Variants in LGALS8 observed in about 807,000 individuals in gnomAD.
LGALS8 encodes galectin 8, also known as galectin-8.
LGALS8 carries 30 observed loss-of-function variants against 35.9 expected under a neutral mutation model. The ratio of observed to expected loss-of-function variants is 0.83; its 90% CI spans 0.62 to 1.13. The LOEUF (loss-of-function observed/expected upper bound fraction) is 1.13. Among genes scored for constraint, LGALS8 ranks in the 50% most tolerant of loss-of-function variants. The probability of loss-of-function intolerance (pLI) is 0.00; values close to 1 mark genes in which losing one functional copy is unlikely to be tolerated. For synonymous variants in LGALS8, 138 were observed against 136.1 expected (o/e 1.01, Z -0.10); for missense variants, 366 against 388.7 (o/e 0.94, Z 0.49).
chr1:236,520,636 TTC>T (rs1370868294), upstream of LGALS8, among the ~76,000 whole-genome samples: 2 of 152,172 alleles, frequency 1.3e-5, no homozygotes, highest in African/African-American at 4.8e-5. Context: ...CACAGGCTGT[TTC>T]TCTTTCTTTG....
At chr1:236,543,121 T>C (rs1662121322) in intron 7 of LGALS8, 1 of 1,322,206 alleles carries the variant, frequency 7.6e-7, no homozygotes, top group African/African-American at 1.4e-5. Flanking sequence ...GTATCCACAA[T>C]AGAGGCCCAA....
Position 236,548,073 on chromosome 1 carries a change from A to C in LGALS8, c.866A>C (p.Glu289Ala), listed in dbSNP as rs1662519377. 8 of 1,613,080 alleles carry C rather than the reference A, an allele frequency of 5.0e-6. No individual in the cohort carries two copies. The highest frequency in any genetic ancestry group is 6.8e-6 in the Non-Finnish European group (8 of 1,179,006). ...GCAGTAAATGGCGTACACAGCCTGG[A>C]GTACAAACACAGATTTAAAGAGCTC... ...KVAVNGVHSL[E>A]YKHRFKELSS... Residue 289 changes from glutamate to alanine, a missense_variant, in exon 10 of 10, where the codon GAG becomes GCG. Coordinates refer to ENST00000366584, the MANE Select transcript of LGALS8 (RefSeq NM_201544.4).
Position 236,540,693 on chromosome 1 carries a change from C to G in LGALS8, c.465+10C>G. The G allele has an allele frequency of 6.3e-7, 1 of 1,596,414 alleles. No individual in the cohort carries two copies. Among genetic ancestry groups the G allele is most frequent in the Non-Finnish European group, 8.5e-7 (1 of 1,171,862 alleles). Reference sequence around the variant, plus strand: ...TTTTAGCTTCAGCTCGGTGAGTGACCTTCCACAGCTTGGGGTCTTTTATGA... The same window carrying G: ...TTTTAGCTTCAGCTCGGTGAGTGACGTTCCACAGCTTGGGGTCTTTTATGA... On this transcript the variant is annotated intron_variant, in intron 5 of 9. Transcript: ENST00000366584.
At chr1:236,538,854 G>A in intron 3 of LGALS8, 25 bp from the exon 4 acceptor site, 3 of 1,581,320 alleles carry the variant, frequency 1.9e-6, no homozygotes, top group Non-Finnish European at 2.6e-6. Flanking sequence ...GCACTCATGG[G>A]GCCCCTGTGT....
At chr1:236,544,993 C>A in intron 9 of LGALS8, 78 bp downstream of exon 9, 2 of 1,105,848 alleles carry the variant, frequency 1.8e-6, no homozygotes, top group Non-Finnish European at 2.6e-6. Context: ...CCATTTAAAT[C>A]AAGTCCTAAC....
chr1:236,534,697 C>T (rs1371425155), intron 2 of LGALS8, among the ~76,000 whole-genome samples: 1 of 151,992 alleles, frequency 6.6e-6, no homozygotes, highest in East Asian at 1.9e-4. Flanking sequence ...CAAGTGGCCA[C>T]CGTTCTTAGC....
intron 2 of LGALS8, among the ~76,000 whole-genome samples, chr1:236,527,967 C>T (rs558259725): frequency 2.0e-5 from 3 of 152,260 alleles, no homozygotes; most frequent in South Asian, 2.1e-4. Flanking sequence ...AACTCCTGAC[C>T]TCAGGTGATG....
chr1:236,535,191 G>C (rs895711535), intron 2 of LGALS8, among the ~76,000 whole-genome samples: 4 of 150,408 alleles, frequency 2.7e-5, no homozygotes, highest in Non-Finnish European at 4.4e-5. Flanking sequence ...GCTTATTATA[G>C]ACATCTGCAA....
upstream of LGALS8, chr1:236,523,718 C>T: frequency 4.0e-6 from 1 of 250,232 alleles, no homozygotes; most frequent in South Asian, 4.1e-5. Flanking sequence ...CCAGATCCAC[C>T]CAGGACACAT....
At chr1:236,523,815 T>A (rs945758335), upstream of LGALS8, 1 of 347,950 alleles carries the variant, frequency 2.9e-6, no homozygotes, top group Non-Finnish European at 5.7e-6. Context: ...CCGAGCTGGG[T>A]GGCGATCAGC....
rs1244153371 is a variant in LGALS8, at chr1:236,534,987, G to T, written c.46-2510G>T. 4.6e-5 allele frequency among the ~76,000 whole-genome samples: 7 copies of T among 150,724 alleles called. No homozygotes were observed. In the East Asian group the frequency reaches 1.2e-3, roughly 25 times the overall value. The stretch of plus-strand genomic sequence containing the variant: ...GAGGCAGGAGAATCGCTTGAACCCG[G>T]GAGGCAGAGGTTGCAGTGAGCTGAG... On this transcript the variant is annotated intron_variant, in intron 2 of 9. Coordinates refer to ENST00000366584, the MANE Select transcript of LGALS8 (RefSeq NM_201544.4).
In LGALS8 at chr1:236,538,884, A is replaced by C. The variant is rs1455870961; in HGVS notation, c.140A>C (p.Gln47Pro). The change falls in exon 4 of 10, where the codon CAG becomes CCG. Residue 47 changes from glutamine to proline, a missense_variant. Coordinates refer to ENST00000366584, the MANE Select transcript of LGALS8 (RefSeq NM_201544.4). ...GHVPSDADRF[Q>P]VDLQNGSSMK... ...CTGTGTCTTCCCTCATATAGATTCCAGGTGGATCTGCAGAATGGCAGCAGC... is the reference window on the plus strand; with the variant it reads ...CTGTGTCTTCCCTCATATAGATTCCCGGTGGATCTGCAGAATGGCAGCAGC... 6.2e-7 allele frequency: 1 copy of C among 1,611,780 alleles called. No homozygotes were observed. The highest frequency in any genetic ancestry group is 8.5e-7 in the Non-Finnish European group (1 of 1,179,374).
In LGALS8 at chr1:236,524,855, A is replaced by G. The variant is rs575773342; in HGVS notation, c.-104+794A>G. Reference sequence around the variant, plus strand: ...AATTAAGTTAATGACATGGGGCTATATTTAGGTGGTAAACCAAGAGGGATA... The same window carrying G: ...AATTAAGTTAATGACATGGGGCTATGTTTAGGTGGTAAACCAAGAGGGATA... On this transcript the variant is annotated intron_variant, in intron 1 of 9. Transcript: ENST00000366584. 40 of 175,824 alleles carry G rather than the reference A, an allele frequency of 2.3e-4. 1 individual carries two copies. In the South Asian group the frequency reaches 4.4e-3, roughly 19 times the overall value. The allele number at this position is 175,824 out of a possible 1,614,324, so 10.9% of individuals were successfully genotyped here.
In LGALS8 at chr1:236,541,695, G is replaced by T. The variant is rs767763145; in HGVS notation, c.507G>T (p.Glu169Asp). ...AAGCATCTAGTCTGGAACTGACAGA[G>T]ATAAGTAGAGAAAATGTAAATATTA... ...STQASSLELT[E>D]ISRENVPKSG... Residue 169 changes from glutamate to aspartate, a missense_variant, in exon 6 of 10, where the codon GAG (glutamate) becomes GAT (aspartate). By Grantham distance (45) the Glu-to-Asp change is conservative (BLOSUM62 2). Transcript: ENST00000366584. The T allele has an allele frequency of 3.3e-6, 5 of 1,508,948 alleles. No individual in the cohort carries two copies. The highest frequency in any genetic ancestry group is 4.5e-6 in the Non-Finnish European group (5 of 1,109,198). The allele number at this position is 1,508,948 out of a possible 1,614,324, so 93.5% of individuals were successfully genotyped here.
At chr1:236,535,838 A>T (rs1363132392) in intron 2 of LGALS8, among the ~76,000 whole-genome samples, 1 of 152,264 alleles carries the variant, frequency 6.6e-6, no homozygotes, top group East Asian at 1.9e-4. Flanking sequence ...TTGTGGGCTC[A>T]GCTTGCGGTT....
chr1:236,540,465 A>C (rs1661908795), intron 4 of LGALS8, 99 bp from the exon 5 acceptor site: 26 of 1,338,056 alleles, frequency 1.9e-5, no homozygotes, highest in Non-Finnish European at 2.6e-5. Flanking sequence ...ACAGGTATAA[A>C]ACTGGACGCA....
chr1:236,530,551 T>G lies in LGALS8; in HGVS notation c.45+4436T>G, dbSNP rs138485861. ...TCCATATGTATCCAGTTCCAACCTTTCACCTAATGTGAACCCCCAACTCTC... is the reference window on the plus strand; with the variant it reads ...TCCATATGTATCCAGTTCCAACCTTGCACCTAATGTGAACCCCCAACTCTC... On this transcript the variant is annotated intron_variant, in intron 2 of 9. Coordinates refer to ENST00000366584, the MANE Select transcript of LGALS8 (RefSeq NM_201544.4). Among the ~76,000 whole-genome samples, 429 of 152,314 alleles carry G rather than the reference T, an allele frequency of 2.8e-3. 1 individual carries two copies. Among genetic ancestry groups the G allele is most frequent in the Non-Finnish European group, 4.5e-3 (304 of 68,032 alleles).
rs192092733 is a variant in LGALS8 at position 236,552,935 on chromosome 1, A to T, written c.*4774A>T. 6.6e-6 allele frequency: 1 copy of T among 152,262 alleles called. No individual in the cohort carries two copies. The allele number at this position is 152,262 out of a possible 1,614,324, so 9.4% of individuals were successfully genotyped here. On this transcript the variant is annotated 3_prime_UTR_variant, in exon 10 of 10. Transcript: ENST00000366584. ...GGTTCATCATAATAGTCTCATTGTT[A>T]GCATATCCTAATAAAGAATTTGAAC...
In LGALS8 at chr1:236,550,925, C is replaced by G. The variant is rs1328302608; in HGVS notation, c.*2764C>G. On this transcript the variant is annotated 3_prime_UTR_variant, in exon 10 of 10. Transcript: ENST00000366584. ...TCTTAGAAATAGCTCTGGAGTGGCTCTCCCAGGACAGTTTCCAGTTGCTGA... is the reference window on the plus strand; with the variant it reads ...TCTTAGAAATAGCTCTGGAGTGGCTGTCCCAGGACAGTTTCCAGTTGCTGA... 6.2e-7 allele frequency: 1 copy of G among 1,610,416 alleles called. No homozygotes were observed. Among genetic ancestry groups the G allele is most frequent in the Middle Eastern group, 1.7e-4 (1 of 6,038 alleles).
Sources: gnomAD v4.1 joint callset for allele counts (sites outside exome capture counted in the v4.1 genomes callset) on GRCh38, gnomAD v4.1.1 for gene constraint, MANE v1.5 for transcripts, NCBI Gene and HGNC (gene_info 2026-07-23, HGNC 2026-07-21) for gene names.